PDGFC: variants seen among roughly 807,000 people sequenced by gnomAD.
PDGFC encodes the protein platelet-derived growth factor C.
In PDGFC, 12 loss-of-function variants were observed where a neutral mutation model predicts 35.5. That is an observed-to-expected ratio of 0.34 (90% CI 0.22 to 0.55). The LOEUF (loss-of-function observed/expected upper bound fraction) is 0.55, where lower values mean the gene tolerates loss of function less well. Among genes scored for constraint, PDGFC ranks in the 20% least tolerant of loss-of-function variants. The pLI, the probability that PDGFC is intolerant of heterozygous loss-of-function variation, is 0.91. For missense variants in PDGFC, 322 were observed against 412.4 expected, an observed-to-expected ratio of 0.78 and a Z score of 1.90; for synonymous variants, 159 against 148.8, an observed-to-expected ratio of 1.07 and a Z score of -0.50.
rs1730357729 is a variant in PDGFC, at chr4:156,760,733, C to CT, written c.*2356dup. The stretch of plus-strand genomic sequence containing the variant: ...CTCACCGACTGGCAACTGAGGACTG[C>CT]TACCCTTATGATCTCTTCTGGCTGT... On this transcript the variant is annotated 3_prime_UTR_variant, in exon 6 of 6. Transcript: ENST00000502773. 1 of 152,008 alleles carries CT rather than the reference C, an allele frequency of 6.6e-6. No individual in the cohort carries two copies. The highest frequency in any genetic ancestry group is 2.4e-5 in the African/African-American group (1 of 41,374). The allele number at this position is 152,008 out of a possible 1,614,324, so 9.4% of individuals were successfully genotyped here. A position where few individuals can be genotyped will look rare whatever the true frequency, so the allele number is the denominator to read the frequency against.
chr4:156,786,301 A>G (rs1422606816), intron 3 of PDGFC, among the ~76,000 whole-genome samples: 1 of 152,200 alleles, frequency 6.6e-6, no homozygotes, highest in Non-Finnish European at 1.5e-5. Flanking sequence ...ATGCACATAC[A>G]ATGTTAGATG....
At position 156,787,288 on chromosome 4, in the gene PDGFC, T is replaced by C. The variant is rs562925666; in HGVS notation, c.496-14395A>G. ...GAGAGAGTGCTGATCTGGATACCAGTGTCAAAGTGTTCAGTGAAAAGAAGT... is the reference window on the plus strand; with the variant it reads ...GAGAGAGTGCTGATCTGGATACCAGCGTCAAAGTGTTCAGTGAAAAGAAGT... On this transcript the variant is annotated intron_variant, in intron 3 of 5. Coordinates refer to ENST00000502773, the MANE Select transcript of PDGFC (RefSeq NM_016205.3). Among the ~76,000 whole-genome samples the C allele has an allele frequency of 2.9e-4, 44 of 152,126 alleles. No homozygotes were observed. In the South Asian group the frequency reaches 9.1e-3, roughly 32 times the overall value.
At chr4:156,813,889 G>A (rs552345839) in intron 2 of PDGFC, among the ~76,000 whole-genome samples, 3 of 152,196 alleles carry the variant, frequency 2.0e-5, no homozygotes, top group East Asian at 3.9e-4. Flanking sequence ...GTGACTCCAC[G>A]AGGGCTCATC....
At chr4:156,839,411 T>C (rs1033587481) in intron 2 of PDGFC, among the ~76,000 whole-genome samples, 2 of 152,154 alleles carry the variant, frequency 1.3e-5, no homozygotes, top group Admixed American at 1.3e-4. Context: ...AAGGATGTGT[T>C]TGCTTCCCCT....
chr4:156,772,764 G>T lies in PDGFC; in HGVS notation c.625C>A (p.Gln209Lys), dbSNP rs765903830. The T allele has an allele frequency of 1.9e-6, 3 of 1,612,916 alleles. No homozygotes were observed. The highest frequency in any genetic ancestry group is 2.5e-6 in the Non-Finnish European group (3 of 1,179,022). Reference sequence around the variant, plus strand: ...CTATATAGATCTTCTAAGTCCAACTGCCATCTCTCTGGTTCAAGATATCGA... The same window carrying T: ...CTATATAGATCTTCTAAGTCCAACTTCCATCTCTCTGGTTCAAGATATCGA... The part of the protein sequence containing the change: ...LIRYLEPERW[Q>K]LDLEDLYRPT... The change falls in exon 4 of 6, where the codon CAG (glutamine) becomes AAG (lysine). Residue 209 changes from glutamine (Q) to lysine (K), a missense_variant. Physicochemically the swap from Gln to Lys is moderately conservative, Grantham distance 53. Transcript: ENST00000502773.
intron 2 of PDGFC, among the ~76,000 whole-genome samples, chr4:156,848,448 C>T (rs1729377081): frequency 2.0e-5 from 3 of 151,902 alleles, no homozygotes; most frequent in Admixed American, 2.0e-4. Context: ...ACAAGGAGAA[C>T]TGGAAACAAG....
intron 3 of PDGFC, among the ~76,000 whole-genome samples, chr4:156,801,687 T>C (rs927940717): frequency 6.6e-6 from 1 of 152,208 alleles, no homozygotes; most frequent in African/African-American, 2.4e-5. Context: ...AATATGCACA[T>C]CAATATATGA....
At chr4:156,875,969 T>G (rs1261190344) in intron 1 of PDGFC, among the ~76,000 whole-genome samples, 1 of 152,058 alleles carries the variant, frequency 6.6e-6, no homozygotes, top group Non-Finnish European at 1.5e-5. Flanking sequence ...GAGGAATCAA[T>G]TACTCTGAGA....
intron 3 of PDGFC, among the ~76,000 whole-genome samples, chr4:156,788,667 T>C (rs1393954601): frequency 6.6e-6 from 1 of 152,176 alleles, no homozygotes; most frequent in Non-Finnish European, 1.5e-5. Context: ...GTGTAAGCAG[T>C]AGAGTTTCTG....
chr4:156,964,669 C>A (rs1352951110), intron 1 of PDGFC, among the ~76,000 whole-genome samples: 2 of 152,030 alleles, frequency 1.3e-5, no homozygotes, highest in Non-Finnish European at 2.9e-5. Flanking sequence ...ACCAGGATTC[C>A]ATTTTCCTAA....
At chr4:156,831,536 C>A (rs938552239) in intron 2 of PDGFC, among the ~76,000 whole-genome samples, 1 of 150,774 alleles carries the variant, frequency 6.6e-6, no homozygotes, top group African/African-American at 2.4e-5. Context: ...CTCCACCTCC[C>A]GAGTTACAGC....
intron 1 of PDGFC, among the ~76,000 whole-genome samples, chr4:156,925,822 G>A (rs531581388): frequency 1.3e-5 from 2 of 151,282 alleles, no homozygotes; most frequent in Admixed American, 6.6e-5. Flanking sequence ...AGGTCGAGGC[G>A]GGTAGACTGC....
At chr4:156,890,556 C>T (rs1276307678) in intron 1 of PDGFC, among the ~76,000 whole-genome samples, 1 of 152,182 alleles carries the variant, frequency 6.6e-6, no homozygotes, top group Non-Finnish European at 1.5e-5. Context: ...CCCATCATCA[C>T]CTTAACTACT....
intron 3 of PDGFC, 50 bp from the exon 4 acceptor site, chr4:156,772,943 T>C (rs1730728834): frequency 2.4e-6 from 3 of 1,238,052 alleles, no homozygotes; most frequent in Non-Finnish European, 3.6e-6. Context: ...CGACAATGTA[T>C]TCCTTCTGGA....
intron 3 of PDGFC, among the ~76,000 whole-genome samples, chr4:156,782,540 G>C (rs1195730687): frequency 6.6e-6 from 1 of 152,130 alleles, no homozygotes; most frequent in East Asian, 1.9e-4. Flanking sequence ...ATCACTCTGT[G>C]ACATCCCTAT....
At chr4:156,784,203 A>G (rs1228070856) in intron 3 of PDGFC, among the ~76,000 whole-genome samples, 1 of 152,230 alleles carries the variant, frequency 6.6e-6, no homozygotes, top group Non-Finnish European at 1.5e-5. Flanking sequence ...ACACATGAAA[A>G]GAAAAGAGGA....
At chr4:156,802,690 T>C (rs1381116342) in intron 3 of PDGFC, among the ~76,000 whole-genome samples, 1 of 152,150 alleles carries the variant, frequency 6.6e-6, no homozygotes, top group Non-Finnish European at 1.5e-5. Flanking sequence ...AACCAGTATT[T>C]ATACTCTTAG....
chr4:156,872,044 A>G (rs938509135), intron 1 of PDGFC, among the ~76,000 whole-genome samples: 1 of 152,176 alleles, frequency 6.6e-6, no homozygotes, highest in East Asian at 1.9e-4. Flanking sequence ...AACAACAACA[A>G]CAAAAGAAAA....
chr4:156,834,074 C>CT (rs1447320149), intron 2 of PDGFC, among the ~76,000 whole-genome samples: 1 of 152,114 alleles, frequency 6.6e-6, no homozygotes, highest in Non-Finnish European at 1.5e-5. Context: ...TACTTCCCTC[C>CT]TTTATTTCAT....
Sources: allele counts gnomAD v4.1 joint callset (sites outside exome capture counted in the v4.1 genomes callset), GRCh38; gene constraint gnomAD v4.1.1; transcripts MANE v1.5; gene names NCBI Gene and HGNC (gene_info 2026-07-23, HGNC 2026-07-21).